The following ABCC10 variants were observed in gnomAD, a reference collection of about 807,000 sequenced individuals.
ABCC10 encodes the protein ATP binding cassette subfamily C member 10.
Under a neutral mutation model 143.2 loss-of-function variants are expected in ABCC10, and 110 were observed. That is an observed-to-expected ratio of 0.77 (90% CI 0.66 to 0.90). The LOEUF is 0.90. Among genes scored for constraint, ABCC10 ranks in the 40% least tolerant of loss-of-function variants. The probability of loss-of-function intolerance (pLI) is 0.00; values close to 1 mark genes in which losing one functional copy is unlikely to be tolerated. For synonymous variants in ABCC10, 805 were observed against 846.7 expected, an observed-to-expected ratio of 0.95 and a Z score of 0.85; for missense variants, 1,700 against 1,900.5, an observed-to-expected ratio of 0.89 and a Z score of 1.96.
intron 12 of ABCC10, 139 bp from the exon 13 acceptor site, chr6:43,444,649 A>G (rs1437217039): frequency 2.4e-6 from 3 of 1,224,714 alleles, no homozygotes; most frequent in Admixed American, 2.3e-5. Flanking sequence ...GATATGGGGT[A>G]GTGGCAGGGT....
chr6:43,441,474 CA>C lies in ABCC10; in HGVS notation c.2128-376del, dbSNP rs553846461. 2.4e-3 allele frequency among the ~76,000 whole-genome samples: 319 copies of C among 133,728 alleles called. 2 individuals are homozygous for C. The highest frequency in any genetic ancestry group is 6.0e-3 in the African/African-American group (218 of 36,400). The allele number at this position is 133,728 out of a possible 152,430, so 87.7% of individuals were successfully genotyped here. On this transcript the variant is annotated intron_variant, in intron 8 of 21. Transcript: ENST00000372530. ...CTGGCGACAGAGCGAGACTCCGTCT[CA>C]AAAAAAAAAAAGGGTAGTAAATGTA...
In ABCC10 at chr6:43,449,552, A is replaced by AC. The variant is rs757300351; in HGVS notation, c.4316+18_4316+19insC. 16 of 1,599,084 alleles carry AC rather than the reference A, an allele frequency of 1.0e-5. No homozygotes were observed. The South Asian group carries it at 1.1e-4, about 11-fold the overall frequency. On this transcript the variant is annotated intron_variant, in intron 21 of 21. Transcript: ENST00000372530. ...GCCCATAGGTATGTAAACGCCTGGT[A>AC]ACAGCCTAATCAGGGACTGTGGTAG... is the stretch of plus-strand genomic sequence containing the variant.
rs1442721020 is a variant in ABCC10, at chr6:43,444,851, G to A, written c.2753G>A (p.Ser918Asn). The change falls in exon 13 of 22, where the codon AGC (serine) becomes AAC (asparagine). Residue 918 changes from serine to asparagine, a missense_variant. Coordinates refer to ENST00000372530, the MANE Select transcript of ABCC10 (RefSeq NM_001198934.2). ...HWISQLKAEN[S>N]SQEAQPSTSP... Reference sequence around the variant, plus strand: ...ATCTCTCAGCTGAAGGCTGAGAATAGCTCCCAGGAGGCGCAACCCTCCACC... The same window carrying A: ...ATCTCTCAGCTGAAGGCTGAGAATAACTCCCAGGAGGCGCAACCCTCCACC... The A allele has an allele frequency of 1.2e-6, 2 of 1,613,984 alleles. No homozygotes were observed. Among genetic ancestry groups the A allele is most frequent in the Admixed American group, 3.3e-5 (2 of 60,002 alleles).
intron 12 of ABCC10, among the ~76,000 whole-genome samples, chr6:43,444,565 T>A (rs1314318970): frequency 6.6e-6 from 1 of 152,184 alleles, no homozygotes; most frequent in East Asian, 1.9e-4. Flanking sequence ...TAGCTCCCAT[T>A]CTGCAAGTCT....
In ABCC10 at chr6:43,444,381, A is replaced by G. The variant is rs1055892666; in HGVS notation, c.2689+28A>G. The G allele has an allele frequency of 7.0e-6, 11 of 1,573,226 alleles. No individual in the cohort carries two copies. In the South Asian group the frequency reaches 9.5e-5, roughly 14 times the overall value. Reference sequence around the variant, plus strand: ...GAGAGCGTGCCTGGGAGTCTCTTACATCGTAACGGCTGTGCTGTCTAGGTG... The same window carrying G: ...GAGAGCGTGCCTGGGAGTCTCTTACGTCGTAACGGCTGTGCTGTCTAGGTG... On this transcript the variant is annotated intron_variant, in intron 12 of 21. Transcript: ENST00000372530.
In ABCC10 at chr6:43,449,012, T is replaced by C; in HGVS notation, c.4091T>C (p.Val1364Ala). Residue 1364 changes from valine to alanine, a missense_variant, in exon 19 of 22, where the codon GTG becomes GCG. Transcript: ENST00000372530. ...CTGAAGCAGTGCCACCTGAGTGAGGTGATTACATCCATGGGTGAGTGCTGG... is the reference window on the plus strand; with the variant it reads ...CTGAAGCAGTGCCACCTGAGTGAGGCGATTACATCCATGGGTGAGTGCTGG... ...QALKQCHLSE[V>A]ITSMGGLDGE... is the part of the protein sequence containing the mutation. The C allele has an allele frequency of 1.2e-6, 2 of 1,613,822 alleles. No individual in the cohort carries two copies. The highest frequency in any genetic ancestry group is 1.7e-6 in the Non-Finnish European group (2 of 1,179,832).
At position 43,443,046 on chromosome 6, in the gene ABCC10, G is replaced by A. The variant is rs1276654089; in HGVS notation, c.2303G>A (p.Cys768Tyr). The change falls in exon 10 of 22, where the codon TGC (cysteine) becomes TAC (tyrosine). Residue 768 changes from cysteine to tyrosine, a missense_variant. Coordinates refer to ENST00000372530, the MANE Select transcript of ABCC10 (RefSeq NM_001198934.2). The surrounding 1 kb of genome is among the most constrained non-coding windows in gnomAD (Gnocchi z 4.2). ...GTGGCCAACCACCTGCTGCACAGGT[G>A]CATCCTGGGCATGCTGAGCTACACC... ...ADVANHLLHR[C>Y]ILGMLSYTTR... is the part of the protein sequence containing the mutation. The A allele has an allele frequency of 6.2e-7, 1 of 1,613,112 alleles. No individual in the cohort carries two copies. Among genetic ancestry groups the A allele is most frequent in the Non-Finnish European group, 8.5e-7 (1 of 1,179,900 alleles).
chr6:43,449,348 T>C, intron 20 of ABCC10, 74 bp from the exon 21 acceptor site: 1 of 1,507,536 alleles, frequency 6.6e-7, no homozygotes. Flanking sequence ...GTAGGGGCTG[T>C]TGCTTGGGCC....
At position 43,446,435 on chromosome 6, in the gene ABCC10, T is replaced by C. The variant is rs111715357; in HGVS notation, c.3533T>C (p.Leu1178Pro). 55 of 1,610,972 alleles carry C rather than the reference T, an allele frequency of 3.4e-5. No homozygotes were observed. In the East Asian group the frequency reaches 1.2e-3, roughly 35 times the overall value. ...GIALVQHQQG[L>P]ANPGLVGLSL... ...GCTCTGGTGCAGCACCAGCAGGGCC[T>C]CGCTAACCCAGGTGCCACCCAGGAC... The change falls in exon 16 of 22, where the codon CTC (leucine) becomes CCC (proline). Residue 1178 changes from leucine (L) to proline (P), a missense_variant. Transcript: ENST00000372530.
chr6:43,444,924 C>T lies in ABCC10; in HGVS notation c.2826C>T (p.Ser942=), dbSNP rs1259458102. ...TCTCTCCGCAGCTGCTCCTCTTTTC[C>T]CCTGGAAACCTCTAGTGAGTGGCTG... is the stretch of plus-strand genomic sequence containing the variant. The part of the protein sequence containing the change: ...GLFSPQLLLF[S]PGNLYIPVFP... Residue 942 remains serine, a synonymous_variant, in exon 13 of 22, where the codon TCC becomes TCT. Coordinates refer to ENST00000372530, the MANE Select transcript of ABCC10 (RefSeq NM_001198934.2). 3.7e-6 allele frequency: 6 copies of T among 1,612,640 alleles called. 1 individual carries two copies. In the South Asian group the frequency reaches 6.6e-5, roughly 18 times the overall value.
In ABCC10 at chr6:43,444,016, G is replaced by T. The variant is rs1260132112; in HGVS notation, c.2494+6G>T. 1.9e-6 allele frequency: 3 copies of T among 1,613,498 alleles called. No homozygotes were observed. The highest frequency in any genetic ancestry group is 1.3e-5 in the African/African-American group (1 of 75,024). ...TGGACAAGAGTCTGACTCAGGTATG[G>T]CTCCCCAGTGGGAGAAAAGGGCTTG... On this transcript the variant is annotated splice_donor_region_variant and intron_variant, in intron 11 of 21. Transcript: ENST00000372530.
chr6:43,436,964 A>G (rs1352299424), intron 6 of ABCC10, among the ~76,000 whole-genome samples: 1 of 152,220 alleles, frequency 6.6e-6, no homozygotes, highest in Admixed American at 6.5e-5. Flanking sequence ...GGTATAAGTT[A>G]CAGAAACACA....
chr6:43,432,855 A>G lies in ABCC10; in HGVS notation c.875A>G (p.Lys292Arg), dbSNP rs775287791. ...TGCTATCTGGCACTTGGACTGCTGAAGCTGGTGGGGACCATGTTGGGATTC... is the reference window on the plus strand; with the variant it reads ...TGCTATCTGGCACTTGGACTGCTGAGGCTGGTGGGGACCATGTTGGGATTC... ...GRCYLALGLL[K>R]LVGTMLGFSG... Residue 292 changes from lysine to arginine, a missense_variant, in exon 3 of 22, where the codon AAG becomes AGG. By Grantham distance (26) the Lys-to-Arg change is conservative. Coordinates refer to ENST00000372530, the MANE Select transcript of ABCC10 (RefSeq NM_001198934.2). The G allele has an allele frequency of 2.5e-6, 4 of 1,614,018 alleles. No homozygotes were observed.
intron 6 of ABCC10, among the ~76,000 whole-genome samples, chr6:43,437,019 A>C (rs1443181571): frequency 6.6e-6 from 1 of 152,206 alleles, no homozygotes; most frequent in Non-Finnish European, 1.5e-5. Context: ...AAGGATGTAG[A>C]GATACATTGC....
chr6:43,445,813 A>G lies in ABCC10; in HGVS notation c.3245A>G (p.Gln1082Arg), dbSNP rs1340648522. The change falls in exon 15 of 22, where the codon CAG becomes CGG. Residue 1082 changes from glutamine to arginine, a missense_variant. Gln to Arg is a conservative substitution (Grantham distance 43). Coordinates refer to ENST00000372530, the MANE Select transcript of ABCC10 (RefSeq NM_001198934.2). ...PPLSIMYYHV[Q>R]RHYRASSREL... ...TTGAGCATCATGTACTATCACGTGCAGCGCCACTACAGGGCCTCCTCACGG... is the reference window on the plus strand; with the variant it reads ...TTGAGCATCATGTACTATCACGTGCGGCGCCACTACAGGGCCTCCTCACGG... 6.2e-7 allele frequency: 1 copy of G among 1,614,126 alleles called. No individual in the cohort carries two copies. Among genetic ancestry groups the G allele is most frequent in the South Asian group, 1.1e-5 (1 of 91,084 alleles).
downstream of ABCC10, chr6:43,451,879 T>G (rs534603317): frequency 1.0e-5 from 16 of 1,599,030 alleles, no homozygotes; most frequent in African/African-American, 2.1e-4. The surrounding 1 kb of genome is among the most constrained non-coding windows in gnomAD (Gnocchi z 4.4). Context: ...CTGCCTCTTT[T>G]CTCATCCCAT....
At position 43,428,050 on chromosome 6, in the gene ABCC10, C is replaced by A. The variant is rs539828065; in HGVS notation, c.72C>A (p.Thr24=). The change falls in exon 2 of 22, where the codon ACC becomes ACA. Residue 24 remains threonine, a synonymous_variant. Transcript: ENST00000372530. ...AWPLPLWEGD[T]TGHCFTQLVL... The stretch of plus-strand genomic sequence containing the variant: ...CGCTCCCGCTGTGGGAGGGGGACAC[C>A]ACAGGCCACTGCTTCACCCAGCTGG... 3 of 1,597,262 alleles carry A rather than the reference C, an allele frequency of 1.9e-6. No individual in the cohort carries two copies. In the East Asian group the frequency reaches 6.8e-5, roughly 36 times the overall value.
chr6:43,436,860 G>A (rs920243836), intron 6 of ABCC10, among the ~76,000 whole-genome samples: 9 of 152,172 alleles, frequency 5.9e-5, no homozygotes, highest in Non-Finnish European at 1.0e-4. Flanking sequence ...TTTCTGGCTT[G>A]GGCTGTATGT....
At chr6:43,439,884 C>T (rs888197085) in intron 8 of ABCC10, among the ~76,000 whole-genome samples, 14 of 150,156 alleles carry the variant, frequency 9.3e-5, no homozygotes, top group Non-Finnish European at 1.3e-4. Flanking sequence ...GCCTGGCCTA[C>T]TACCCTGTCT....
Sources: gnomAD v4.1 joint callset for allele counts (sites outside exome capture counted in the v4.1 genomes callset) on GRCh38, gnomAD v4.1.1 for gene constraint, Gnocchi (gnomAD v3.1) non-coding constraint, MANE v1.5 for transcripts, NCBI Gene and HGNC (gene_info 2026-07-23, HGNC 2026-07-21) for gene names.